OR51B5: variants seen among roughly 807,000 people sequenced by gnomAD.
The protein encoded by OR51B5 is olfactory receptor family 51 subfamily B member 5.
For synonymous variants in OR51B5, 186 were observed against 144.8 expected (o/e 1.28, Z -2.04); for missense variants, 456 against 374.6 (o/e 1.22, Z -1.79).
At chr11:5,449,195 A>G (rs551955910) in intron 1 of OR51B5, 1 of 152,348 alleles carries the variant, frequency 6.6e-6, no homozygotes, top group East Asian at 1.9e-4. Flanking sequence ...AGTAGTTATT[A>G]TGGACCTCAG....
At chr11:5,424,926 G>A (rs7939481) in intron 1 of OR51B5, among the ~76,000 whole-genome samples, 8,591 of 100,286 alleles carry the variant, frequency 0.086, 1,585 homozygotes, top group East Asian at 0.46. Flanking sequence ...AGCTTGCAGT[G>A]AGCCGAGATC....
chr11:5,485,920 GT>G (rs1221839417), intron 1 of OR51B5, among the ~76,000 whole-genome samples: 4 of 152,042 alleles, frequency 2.6e-5, no homozygotes, highest in African/African-American at 2.4e-5. Context: ...AGATGTGATA[GT>G]TTTTTTAAAA....
At chr11:5,488,698 C>T (rs1163047655) in intron 1 of OR51B5, 2 of 1,589,522 alleles carry the variant, frequency 1.3e-6, no homozygotes, top group Non-Finnish European at 1.7e-6. Flanking sequence ...CCTTCATTTG[C>T]CAGGAAGAAT....
At chr11:5,424,778 G>C (rs1850417605) in intron 1 of OR51B5, among the ~76,000 whole-genome samples, 1 of 137,758 alleles carries the variant, frequency 7.3e-6, no homozygotes, top group East Asian at 2.0e-4. Context: ...TCAGCAGATG[G>C]AGACCATCCT....
At position 5,442,547 on chromosome 11, in the gene OR51B5, T is replaced by A. The variant is rs78376276; in HGVS notation, n.84+63022A>T. Among the ~76,000 whole-genome samples, 361 of 152,244 alleles carry A rather than the reference T, an allele frequency of 2.4e-3. 1 individual carries two copies. Among genetic ancestry groups the A allele is most frequent in the African/African-American group, 8.2e-3 (341 of 41,554 alleles). ...TTCCATCATAAAGATGCGATAACAT[T>A]CTTCTCTACCCACCACTCTATGACC... is the stretch of plus-strand genomic sequence containing the variant. On this transcript the variant is annotated intron_variant and non_coding_transcript_variant, in intron 1 of 4. Coordinates refer to the OR51B5 transcript ENST00000415970.
chr11:5,363,199 C>A (rs2736553), intron 1 of OR51B5, among the ~76,000 whole-genome samples: 1 of 145,468 alleles, frequency 6.9e-6, no homozygotes, highest in African/African-American at 2.5e-5. Flanking sequence ...TTCATCAATA[C>A]AGGATCTCAA....
In OR51B5 at chr11:5,390,147, T is replaced by C. The variant is rs1479959460; in HGVS notation, n.85-43237A>G. On this transcript the variant is annotated intron_variant and non_coding_transcript_variant, in intron 1 of 4. Coordinates refer to the OR51B5 transcript ENST00000415970. ...TCCCAAGAGGAGCAGCGCCGTGCCTTTCAGACATGCACCGCTCCTCTCTGT... is the reference window on the plus strand; with the variant it reads ...TCCCAAGAGGAGCAGCGCCGTGCCTCTCAGACATGCACCGCTCCTCTCTGT... The C allele has an allele frequency of 2.5e-6, 4 of 1,613,874 alleles. No homozygotes were observed. In the East Asian group the frequency reaches 8.9e-5, roughly 36 times the overall value.
chr11:5,416,866 A>G lies in OR51B5; in HGVS notation n.85-69956T>C, dbSNP rs556405954. 1.5e-3 allele frequency among the ~76,000 whole-genome samples: 223 copies of G among 152,154 alleles called. 1 individual carries two copies. The highest frequency in any genetic ancestry group is 5.2e-3 in the African/African-American group (214 of 41,504). On this transcript the variant is annotated intron_variant and non_coding_transcript_variant, in intron 1 of 4. Transcript: ENST00000415970. ...GGCCATACTGCCCAAGGTAATTTAC[A>G]GATTCAATGCCATCCCCATCAAGCT...
chr11:5,376,488 C>T (rs1849529930), intron 1 of OR51B5, among the ~76,000 whole-genome samples: 2 of 152,046 alleles, frequency 1.3e-5, no homozygotes, highest in African/African-American at 4.8e-5. Flanking sequence ...GAAACAGAGA[C>T]ACAAAAAACC....
intron 1 of OR51B5, chr11:5,431,118 T>C (rs533360571): frequency 2.4e-6 from 1 of 415,386 alleles, no homozygotes; most frequent in African/African-American, 2.0e-5. Context: ...TCAAAAGGAT[T>C]GGAAGTGGGG....
chr11:5,342,952 G>C, exon 1 of OR51B5: 1 of 1,613,812 alleles, frequency 6.2e-7, no homozygotes, highest in Non-Finnish European at 8.5e-7. Context: ...GTCGGTTGAA[G>C]GTGGTATCAG....
At chr11:5,419,692 C>G (rs1850301218) in intron 1 of OR51B5, among the ~76,000 whole-genome samples, 1 of 152,104 alleles carries the variant, frequency 6.6e-6, no homozygotes, top group Non-Finnish European at 1.5e-5. Flanking sequence ...CAACCTCTCA[C>G]ATCGAGAAAC....
intron 1 of OR51B5, chr11:5,453,427 A>T: frequency 8.1e-7 from 1 of 1,239,018 alleles, no homozygotes; most frequent in Admixed American, 2.6e-5. Context: ...AGCAAGTGCA[A>T]CTGTTAGAAT....
intron 1 of OR51B5, among the ~76,000 whole-genome samples, chr11:5,387,230 T>TAG (rs964757469): frequency 6.6e-6 from 1 of 152,132 alleles, no homozygotes; most frequent in Non-Finnish European, 1.5e-5. Context: ...TAAGAATTTC[T>TAG]AGAGAGAGCT....
chr11:5,423,137 A>C, intron 1 of OR51B5: 1 of 1,597,530 alleles, frequency 6.3e-7, no homozygotes, highest in Non-Finnish European at 8.6e-7. Flanking sequence ...TTCCCTCAAA[A>C]ATATGCATTC....
chr11:5,448,571 A>G (rs4910794), intron 1 of OR51B5, among the ~76,000 whole-genome samples: 9,906 of 152,292 alleles, frequency 0.065, 376 homozygotes, highest in South Asian at 0.092. Flanking sequence ...ATAATGATAT[A>G]TTAGCTTAAA....
intron 1 of OR51B5, among the ~76,000 whole-genome samples, chr11:5,400,901 T>C (rs1245279773): frequency 6.6e-6 from 1 of 152,202 alleles, no homozygotes; most frequent in Non-Finnish European, 1.5e-5. Flanking sequence ...CAGCAGTGGC[T>C]GAATGGAAAG....
chr11:5,389,738 T>C lies in OR51B5; in HGVS notation n.85-42828A>G, dbSNP rs189933785. On this transcript the variant is annotated intron_variant and non_coding_transcript_variant, in intron 1 of 4. Transcript: ENST00000415970. ...CTTTGGAGCGTGTCAAATCCAGATGTTCTGCATCCACTCTTTTTCCTTCAT... is the reference window on the plus strand; with the variant it reads ...CTTTGGAGCGTGTCAAATCCAGATGCTCTGCATCCACTCTTTTTCCTTCAT... The C allele has an allele frequency of 1.0e-3, 1,652 of 1,613,986 alleles. 37 individuals are homozygous for C. In the Admixed American group the frequency reaches 0.025, roughly 25 times the overall value.
intron 1 of OR51B5, among the ~76,000 whole-genome samples, chr11:5,353,827 A>AT (rs1408915679): frequency 2.0e-5 from 3 of 152,152 alleles, no homozygotes; most frequent in African/African-American, 7.2e-5. Flanking sequence ...AAAGGTGGGG[A>AT]TTTTTTAGGA....
Sources: gnomAD v4.1 joint callset for allele counts (sites outside exome capture counted in the v4.1 genomes callset) on GRCh38, gnomAD v4.1.1 for gene constraint, MANE v1.5 for transcripts, NCBI Gene and HGNC (gene_info 2026-07-23, HGNC 2026-07-21) for gene names.